Variants in MMS22L observed in about 807,000 individuals in gnomAD.
MMS22L encodes MMS22 like, DNA repair protein, also known as protein MMS22-like.
Under a neutral mutation model 159.1 loss-of-function variants are expected in MMS22L, and 74 were observed. That is an observed-to-expected ratio of 0.47 (90% CI 0.39 to 0.56). MMS22L has a LOEUF of 0.56. Among genes scored for constraint, MMS22L ranks in the 20% least tolerant of loss-of-function variants. MMS22L has a pLI of 0.00. For missense variants in MMS22L, 1,351 were observed against 1,422.1 expected, an observed-to-expected ratio of 0.95 and a Z score of 0.80; for synonymous variants, 517 against 506.9, an observed-to-expected ratio of 1.02 and a Z score of -0.27.
intron 24 of MMS22L, 113 bp from the exon 25 acceptor site, chr6:97,147,000 C>A: frequency 1.5e-6 from 1 of 683,092 alleles, no homozygotes; most frequent in Non-Finnish European, 2.4e-6. Context: ...ATTCAGCCAT[C>A]CATCCAGCAG....
intron 11 of MMS22L, among the ~76,000 whole-genome samples, chr6:97,236,786 C>T (rs1469058458): frequency 6.6e-6 from 1 of 151,994 alleles, no homozygotes; most frequent in Non-Finnish European, 1.5e-5. Flanking sequence ...CCCGTCTCTA[C>T]TAAAAATACA....
intron 14 of MMS22L, among the ~76,000 whole-genome samples, chr6:97,202,338 C>A (rs757414337): frequency 1.6e-4 from 25 of 152,170 alleles, no homozygotes; most frequent in Non-Finnish European, 2.9e-4. Context: ...ACCTCTCTAT[C>A]CACTTGCCTG....
At chr6:97,268,923 G>A (rs558048992) in intron 7 of MMS22L, among the ~76,000 whole-genome samples, 146 of 151,968 alleles carry the variant, frequency 9.6e-4, no homozygotes, top group Non-Finnish European at 2.0e-3. Context: ...ACATATATAT[G>A]TATGTATTTA....
Position 97,233,914 on chromosome 6 carries a change from C to G in MMS22L, c.1249G>C (p.Glu417Gln). 4 of 1,611,896 alleles carry G rather than the reference C, an allele frequency of 2.5e-6. No individual in the cohort carries two copies. Among genetic ancestry groups the G allele is most frequent in the Non-Finnish European group, 3.4e-6 (4 of 1,178,948 alleles). ...HCCLTLCDFW[E>Q]PNIAIVTILW... ...ATGGTAACAATTGCAATGTTTGGCT[C>G]CCAGAAATCACAAAGTGTCAAACAA... is the stretch of plus-strand genomic sequence containing the variant. The change falls in exon 12 of 25, where the codon GAG becomes CAG. Residue 417 changes from glutamate to glutamine, a missense_variant. By Grantham distance (29) the Glu-to-Gln change is conservative. Coordinates refer to ENST00000683635, the MANE Select transcript of MMS22L (RefSeq NM_001350599.2).
intron 14 of MMS22L, 71 bp from the exon 15 acceptor site, chr6:97,186,761 G>C (rs1582520917): frequency 8.5e-7 from 1 of 1,175,198 alleles, no homozygotes; most frequent in Non-Finnish European, 1.1e-6. Context: ...AGTACATTTT[G>C]AGCTTTTTCC....
intron 11 of MMS22L, among the ~76,000 whole-genome samples, chr6:97,243,132 C>T (rs373031940): frequency 2.0e-5 from 3 of 152,268 alleles, no homozygotes; most frequent in African/African-American, 7.2e-5. Flanking sequence ...TCTAGCAATG[C>T]CAGTGCACTT....
At chr6:97,232,222 T>C (rs1269157352) in intron 12 of MMS22L, among the ~76,000 whole-genome samples, 1 of 152,174 alleles carries the variant, frequency 6.6e-6, no homozygotes, top group Non-Finnish European at 1.5e-5. Context: ...TTTTGTGATG[T>C]TAAAACTGGT....
At position 97,173,186 on chromosome 6, in the gene MMS22L, A is replaced by C. The variant is rs766486653; in HGVS notation, c.2716T>G (p.Ser906Ala). Residue 906 changes from serine (S) to alanine (A), a missense_variant, in exon 19 of 25, where the codon TCT (serine) becomes GCT (alanine). Ser to Ala is a moderately conservative substitution (Grantham distance 99). Coordinates refer to ENST00000683635, the MANE Select transcript of MMS22L (RefSeq NM_001350599.2). Reference protein sequence around the residue: ...GVTYGNVQTLSDKSAMVTKSL... With the variant: ...GVTYGNVQTLADKSAMVTKSL... Reference sequence around the variant, plus strand: ...TTTGTGACCATGGCAGATTTATCAGAAAGTGTCTGGACGTTCCCGTAAGTT... The same window carrying C: ...TTTGTGACCATGGCAGATTTATCAGCAAGTGTCTGGACGTTCCCGTAAGTT... The C allele has an allele frequency of 6.2e-7, 1 of 1,613,820 alleles. No individual in the cohort carries two copies. Among genetic ancestry groups the C allele is most frequent in the Admixed American group, 1.7e-5 (1 of 59,960 alleles).
intron 14 of MMS22L, 74 bp from the exon 15 acceptor site, chr6:97,186,764 C>G: frequency 8.8e-7 from 1 of 1,136,232 alleles, no homozygotes; most frequent in Non-Finnish European, 1.2e-6. Flanking sequence ...ACATTTTGAG[C>G]TTTTTCCATT....
At position 97,142,749 on chromosome 6, in the gene MMS22L, A is replaced by T. The variant is rs1368690084; in HGVS notation, c.*4057T>A. 1.3e-5 allele frequency: 2 copies of T among 152,126 alleles called. No individual in the cohort carries two copies. Among genetic ancestry groups the T allele is most frequent in the African/African-American group, 4.8e-5 (2 of 41,436 alleles). 9.4% of individuals were successfully genotyped at this position (152,126 alleles called of 1,614,324 possible). A position where few individuals can be genotyped will look rare whatever the true frequency, so the allele number is the denominator to read the frequency against. ...TTGTCAAATTTTTATATAACATACA[A>T]TTTTTAACTGTCAAAGATTCTGTGA... is the stretch of plus-strand genomic sequence containing the variant. On this transcript the variant is annotated 3_prime_UTR_variant, in exon 25 of 25. Transcript: ENST00000683635.
chr6:97,253,051 G>A (rs1813408028), intron 10 of MMS22L, among the ~76,000 whole-genome samples: 2 of 152,132 alleles, frequency 1.3e-5, no homozygotes, highest in South Asian at 4.1e-4. Flanking sequence ...ATTCTTTTCT[G>A]TGAGAAGTTC....
chr6:97,234,158 A>C (rs943487949), intron 11 of MMS22L, among the ~76,000 whole-genome samples, 178 bp from the exon 12 acceptor site: 1 of 152,138 alleles, frequency 6.6e-6, no homozygotes, highest in Non-Finnish European at 1.5e-5. Flanking sequence ...ACTTCCAAAA[A>C]CATGTTTTAA....
At chr6:97,160,109 C>T (rs1227379351) in intron 22 of MMS22L, among the ~76,000 whole-genome samples, 1 of 151,530 alleles carries the variant, frequency 6.6e-6, no homozygotes, top group Non-Finnish European at 1.5e-5. Flanking sequence ...TTATTTTATA[C>T]AAATGCTTTT....
chr6:97,275,215 G>T (rs1816137106), intron 4 of MMS22L, among the ~76,000 whole-genome samples: 1 of 152,174 alleles, frequency 6.6e-6, no homozygotes, highest in South Asian at 2.1e-4. Context: ...AATACAAATA[G>T]TTTCAGAAAT....
At chr6:97,168,496 G>GTATCCCTAA (rs1402638410) in intron 19 of MMS22L, among the ~76,000 whole-genome samples, 1 of 152,042 alleles carries the variant, frequency 6.6e-6, no homozygotes, top group Non-Finnish European at 1.5e-5. Flanking sequence ...CACTGGTTAA[G>GTATCCCTAA]TATCCCTAAT....
chr6:97,255,315 T>C (rs769882193), intron 9 of MMS22L, among the ~76,000 whole-genome samples: 4 of 152,168 alleles, frequency 2.6e-5, no homozygotes, highest in African/African-American at 7.2e-5. Context: ...GTCGACAGTA[T>C]CTCTTACCTT....
intron 22 of MMS22L, among the ~76,000 whole-genome samples, chr6:97,160,214 A>G (rs1231984368): frequency 6.6e-6 from 1 of 152,026 alleles, no homozygotes; most frequent in Non-Finnish European, 1.5e-5. Flanking sequence ...TTTGTGTGTT[A>G]TGTGGATCCA....
intron 15 of MMS22L, among the ~76,000 whole-genome samples, chr6:97,184,137 TA>T (rs1804989354): frequency 6.6e-6 from 1 of 152,122 alleles, no homozygotes; most frequent in Non-Finnish European, 1.5e-5. Context: ...TCTCAGACCT[TA>T]TCTCACTTGA....
rs374339407 is a variant in MMS22L at position 97,263,307 on chromosome 6, T to A, written c.942+28A>T. 2.2e-6 allele frequency: 3 copies of A among 1,352,364 alleles called. No homozygotes were observed. The South Asian group carries it at 3.8e-5, about 17-fold the overall frequency. The allele number at this position is 1,352,364 out of a possible 1,614,324, so 83.8% of individuals were successfully genotyped here. A position where few individuals can be genotyped will look rare whatever the true frequency, so the allele number is the denominator to read the frequency against. On this transcript the variant is annotated intron_variant, in intron 9 of 24. Coordinates refer to ENST00000683635, the MANE Select transcript of MMS22L (RefSeq NM_001350599.2). ...AAATCAATATAAAGGTTAGTAACAA[T>A]AACCAACACATCAATTTTCCAACTT...
Sources: gnomAD v4.1 joint callset for allele counts (sites outside exome capture counted in the v4.1 genomes callset) on GRCh38, gnomAD v4.1.1 for gene constraint, MANE v1.5 for transcripts, NCBI Gene and HGNC (gene_info 2026-07-23, HGNC 2026-07-21) for gene names.